The following ZBTB16 variants were observed in gnomAD, a reference collection of about 807,000 sequenced individuals.
ZBTB16 encodes the protein zinc finger and BTB domain containing 16.
In ZBTB16, 8 loss-of-function variants were observed where a neutral mutation model predicts 56.8. The ratio of observed to expected loss-of-function variants is 0.14; its 90% confidence interval spans 0.08 to 0.25. ZBTB16 has a LOEUF of 0.25. Among genes scored for constraint, ZBTB16 ranks in the 10% least tolerant of loss-of-function variants. The pLI is 1.00. For missense variants in ZBTB16, 625 were observed against 903.0 expected, an observed-to-expected ratio of 0.69 and a Z score of 3.95; for synonymous variants, 363 against 368.5, an observed-to-expected ratio of 0.98 and a Z score of 0.17.
intron 2 of ZBTB16, among the ~76,000 whole-genome samples, chr11:114,142,725 G>A (rs1190259532): frequency 6.6e-6 from 1 of 151,950 alleles, no homozygotes. Context: ...TGGGAAGGGA[G>A]GATGTAGGGA....
chr11:114,224,221 C>T (rs1019091860), intron 4 of ZBTB16, among the ~76,000 whole-genome samples: 1 of 152,132 alleles, frequency 6.6e-6, no homozygotes, highest in South Asian at 2.1e-4. Flanking sequence ...GTAGTCTGAA[C>T]CAGTGTTGCT....
chr11:114,190,717 C>T (rs1243998358), intron 4 of ZBTB16, among the ~76,000 whole-genome samples: 1 of 141,608 alleles, frequency 7.1e-6, no homozygotes, highest in Non-Finnish European at 1.5e-5. Context: ...TCACTCATGC[C>T]ACCTCTCTCT....
At chr11:114,125,272 A>G (rs1319093191) in intron 2 of ZBTB16, among the ~76,000 whole-genome samples, 1 of 152,218 alleles carries the variant, frequency 6.6e-6, no homozygotes, top group African/African-American at 2.4e-5. Context: ...GCTTACAGAA[A>G]AGTTTCAAGA....
At chr11:114,146,894 T>C (rs1942122430) in intron 2 of ZBTB16, among the ~76,000 whole-genome samples, 1 of 152,132 alleles carries the variant, frequency 6.6e-6, no homozygotes, top group African/African-American at 2.4e-5. Context: ...TAGATGTTCT[T>C]TTTTGCATTT....
chr11:114,217,696 C>G (rs549580012), intron 4 of ZBTB16, among the ~76,000 whole-genome samples: 1 of 152,080 alleles, frequency 6.6e-6, no homozygotes, highest in Non-Finnish European at 1.5e-5. Flanking sequence ...TCACTGAGAC[C>G]GTGAGAGTAG....
chr11:114,140,171 C>T (rs1401729439), intron 2 of ZBTB16, among the ~76,000 whole-genome samples: 3 of 152,184 alleles, frequency 2.0e-5, no homozygotes, highest in Non-Finnish European at 4.4e-5. Flanking sequence ...GTTTTGGTGC[C>T]TGTTTCCCTC....
chr11:114,060,454 T>A lies in ZBTB16; in HGVS notation c.-91+572T>A, dbSNP rs1938780186. ...GTGGTGGGCTTTTTCTTGATTGGAC[T>A]TGATCCCCACCCCCCTTTTGCAGGG... On this transcript the variant is annotated intron_variant, in intron 1 of 6. Coordinates refer to ENST00000335953, the MANE Select transcript of ZBTB16 (RefSeq NM_006006.6). The surrounding 1 kb of genome is among the most constrained non-coding windows in gnomAD (Gnocchi z 6.0). The A allele has an allele frequency of 6.6e-6, 1 of 152,186 alleles. No individual in the cohort carries two copies. The highest frequency in any genetic ancestry group is 1.5e-5 in the Non-Finnish European group (1 of 68,066). The allele number at this position is 152,186 out of a possible 1,614,324, so 9.4% of individuals were successfully genotyped here.
In ZBTB16 at chr11:114,179,277, A is replaced by G. The variant is rs1014580693; in HGVS notation, c.1367-7675A>G. Among the ~76,000 whole-genome samples the G allele has an allele frequency of 5.0e-5, 5 of 99,122 alleles. No individual in the cohort carries two copies. The East Asian group carries it at 1.5e-3, about 30-fold the overall frequency. 65.0% of individuals were successfully genotyped at this position (99,122 alleles called of 152,430 possible). A position where few individuals can be genotyped will look rare whatever the true frequency, so the allele number is the denominator to read the frequency against. On this transcript the variant is annotated intron_variant, in intron 3 of 6. Transcript: ENST00000335953. ...ACAAAGGAGAAAGAGCAAGAGAGAG[A>G]GCTAGAGAGAGAGAGAGAGAGAGCC...
At chr11:114,094,750 G>C (rs1784137) in intron 2 of ZBTB16, among the ~76,000 whole-genome samples, 83,244 of 152,186 alleles carry the variant, frequency 0.55, 27,340 homozygotes, top group Non-Finnish European at 0.74. Context: ...TCTCAAATCT[G>C]TTTGCCCCTC....
intron 2 of ZBTB16, among the ~76,000 whole-genome samples, chr11:114,141,976 A>G (rs538784320): frequency 6.6e-6 from 1 of 152,286 alleles, no homozygotes; most frequent in East Asian, 1.9e-4. Flanking sequence ...TGTTGGTATT[A>G]CAGTTATCAC....
intron 4 of ZBTB16, among the ~76,000 whole-genome samples, chr11:114,199,536 G>A (rs1438301448): frequency 6.6e-6 from 1 of 152,248 alleles, no homozygotes; most frequent in African/African-American, 2.4e-5. Flanking sequence ...CATTGGGGAT[G>A]TGGAGGCAGC....
chr11:114,092,043 C>G (rs548038593), intron 2 of ZBTB16, among the ~76,000 whole-genome samples: 40 of 152,264 alleles, frequency 2.6e-4, no homozygotes, highest in Non-Finnish European at 5.6e-4. Flanking sequence ...GCAGAGGGGC[C>G]GAGGCTGTGC....
rs1193942780 is a variant in ZBTB16, at chr11:114,252,420, G to A, written c.*1865G>A. ...CCAGCCTTTGTTTTGTTGTGTTGGGGTGGGGGTGTTGTTTTTCTAAAAGCT... is the reference window on the plus strand; with the variant it reads ...CCAGCCTTTGTTTTGTTGTGTTGGGATGGGGGTGTTGTTTTTCTAAAAGCT... On this transcript the variant is annotated 3_prime_UTR_variant, in exon 7 of 7. Transcript: ENST00000335953. Among the ~76,000 whole-genome samples, 1 of 151,810 alleles carries A rather than the reference G, an allele frequency of 6.6e-6. No homozygotes were observed. The highest frequency in any genetic ancestry group is 2.4e-5 in the African/African-American group (1 of 41,302).
chr11:114,208,641 G>A (rs1426733741), intron 4 of ZBTB16, among the ~76,000 whole-genome samples: 1 of 152,202 alleles, frequency 6.6e-6, no homozygotes, highest in Non-Finnish European at 1.5e-5. Context: ...CCTCTGCACA[G>A]CCTCCCATCC....
At chr11:114,083,027 G>A (rs1287555254) in intron 2 of ZBTB16, among the ~76,000 whole-genome samples, 1 of 152,222 alleles carries the variant, frequency 6.6e-6, no homozygotes, top group Non-Finnish European at 1.5e-5. Context: ...GTTTGCCCGA[G>A]TGGCTCCTGG....
chr11:114,170,568 C>G (rs1942932434), intron 3 of ZBTB16, among the ~76,000 whole-genome samples: 2 of 152,134 alleles, frequency 1.3e-5, no homozygotes, highest in African/African-American at 4.8e-5. Context: ...CTCCCTCCTC[C>G]TTCCCCCAAA....
At chr11:114,164,905 C>G (rs1025949057) in intron 3 of ZBTB16, among the ~76,000 whole-genome samples, 4 of 152,176 alleles carry the variant, frequency 2.6e-5, no homozygotes, top group African/African-American at 7.2e-5. Context: ...CACTTCATCT[C>G]TTTGTCCCTG....
chr11:114,191,516 C>T (rs1192645378), intron 4 of ZBTB16, among the ~76,000 whole-genome samples: 1 of 152,102 alleles, frequency 6.6e-6, no homozygotes, highest in African/African-American at 2.4e-5. Context: ...TAGGATGTAG[C>T]CTAGAAGCTA....
chr11:114,067,112 C>G (rs752430170), intron 2 of ZBTB16, among the ~76,000 whole-genome samples: 1 of 152,136 alleles, frequency 6.6e-6, no homozygotes, highest in Non-Finnish European at 1.5e-5. Flanking sequence ...AGGGTTGGTG[C>G]TGAATTAATG....
Sources: gnomAD v4.1 joint callset for allele counts (sites outside exome capture counted in the v4.1 genomes callset) on GRCh38, gnomAD v4.1.1 for gene constraint, Gnocchi (gnomAD v3.1) non-coding constraint, MANE v1.5 for transcripts, NCBI Gene and HGNC (gene_info 2026-07-23, HGNC 2026-07-21) for gene names.